Variants in MECOM observed in about 807,000 individuals in gnomAD.
MECOM encodes the protein MDS1 and EVI1 complex locus.
MECOM carries 13 observed loss-of-function variants against 116.3 expected under a neutral mutation model. The observed-to-expected ratio is 0.11, with a 90% CI of 0.07 to 0.18. The LOEUF is 0.18. Ranked by LOEUF, MECOM falls within the 10% of genes least tolerant of loss-of-function variation. The pLI is 1.00. For synonymous variants in MECOM, 528 were observed against 535.2 expected (o/e 0.99, Z 0.19); for missense variants, 1,299 against 1,509.0 (o/e 0.86, Z 2.31).
At position 169,111,046 on chromosome 3, in the gene MECOM, A is replaced by C. The variant is rs188915644; in HGVS notation, c.2577+1741T>G. Among the ~76,000 whole-genome samples the C allele has an allele frequency of 9.6e-4, 147 of 152,348 alleles. 1 individual carries two copies. Among genetic ancestry groups the C allele is most frequent in the African/African-American group, 3.4e-3 (141 of 41,576 alleles). On this transcript the variant is annotated intron_variant, in intron 9 of 16. Coordinates refer to ENST00000651503, the MANE Select transcript of MECOM (RefSeq NM_004991.4). Reference sequence around the variant, plus strand: ...ATTGCTAACAGCTGCGAATTCATACAGAATGAATGGTTGACAAAACTGCCC... The same window carrying C: ...ATTGCTAACAGCTGCGAATTCATACCGAATGAATGGTTGACAAAACTGCCC...
rs1337285990 is a variant in MECOM at position 169,097,232 on chromosome 3, AG to A, written c.2850-1988del. Among the ~76,000 whole-genome samples the A allele has an allele frequency of 3.9e-5, 6 of 152,262 alleles. No individual in the cohort carries two copies. The East Asian group carries it at 1.2e-3, about 29-fold the overall frequency. ...CTTCTAACTTTCTGCTTGCACACAAAGGGTCTTTTCCAAATCTAGTAAGCAC... is the reference window on the plus strand; with the variant it reads ...CTTCTAACTTTCTGCTTGCACACAAAGGTCTTTTCCAAATCTAGTAAGCAC... On this transcript the variant is annotated intron_variant, in intron 12 of 16. Coordinates refer to ENST00000651503, the MANE Select transcript of MECOM (RefSeq NM_004991.4).
chr3:169,482,837 A>G (rs1024668384), intron 1 of MECOM, among the ~76,000 whole-genome samples: 3 of 152,370 alleles, frequency 2.0e-5, no homozygotes, highest in Admixed American at 2.0e-4. Flanking sequence ...CGAAACATTT[A>G]AAATTGATAG....
Position 169,472,509 on chromosome 3 carries a change from AAAGG to A in MECOM, c.38-90989_38-90986del, listed in dbSNP as rs1560317624. Among the ~76,000 whole-genome samples, 306 of 91,876 alleles carry A rather than the reference AAAGG, an allele frequency of 3.3e-3. 22 individuals carry two copies. Among genetic ancestry groups the A allele is most frequent in the African/African-American group, 0.014 (268 of 19,044 alleles). 60.3% of individuals were successfully genotyped at this position (91,876 alleles called of 152,430 possible). A position where few individuals can be genotyped will look rare whatever the true frequency, so the allele number is the denominator to read the frequency against. ...AAAGGAAAGGAAAGGAAAGGAAAGG[AAAGG>A]AAAGGAAAGAAAAGAAAAGAAAAGG... On this transcript the variant is annotated intron_variant, in intron 1 of 16. Transcript: ENST00000651503.
At chr3:169,480,740 C>A (rs1751164627) in intron 1 of MECOM, among the ~76,000 whole-genome samples, 1 of 152,078 alleles carries the variant, frequency 6.6e-6, no homozygotes, top group South Asian at 2.1e-4. Context: ...TGTTTCTGAG[C>A]CACATCCTAG....
At chr3:169,653,341 CAGG>C (rs1257199815) in intron 1 of MECOM, among the ~76,000 whole-genome samples, 1 of 152,106 alleles carries the variant, frequency 6.6e-6, no homozygotes, top group Non-Finnish European at 1.5e-5. Context: ...ATGGGCTCTC[CAGG>C]AGTTTTACAG....
chr3:169,506,760 G>A (rs1347190187), intron 1 of MECOM, among the ~76,000 whole-genome samples: 2 of 152,134 alleles, frequency 1.3e-5, no homozygotes, highest in Non-Finnish European at 2.9e-5. Flanking sequence ...AGGGTGAGGA[G>A]GTAGTCCCTG....
rs1255430097 is a variant in MECOM, at chr3:169,527,636, G to A, written c.37+135700C>T. On this transcript the variant is annotated intron_variant, in intron 1 of 16. Transcript: ENST00000651503. ...AGCCTGCTCCCAAATCTTCATGTTT[G>A]TTTTTTGTTCCTAATATCTTTTCTA... Among the ~76,000 whole-genome samples the A allele has an allele frequency of 3.3e-5, 5 of 152,240 alleles. No individual in the cohort carries two copies. The East Asian group carries it at 5.8e-4, about 18-fold the overall frequency.
chr3:169,120,375 G>C (rs553397043), intron 7 of MECOM, among the ~76,000 whole-genome samples: 3 of 152,174 alleles, frequency 2.0e-5, no homozygotes, highest in Non-Finnish European at 4.4e-5. Flanking sequence ...TCTGTACAGG[G>C]ATGTTCTAAG....
chr3:169,527,044 T>C (rs1161913283), intron 1 of MECOM, among the ~76,000 whole-genome samples: 1 of 152,202 alleles, frequency 6.6e-6, no homozygotes, highest in African/African-American at 2.4e-5. Flanking sequence ...CTGTTAAGAA[T>C]GGAAATCAAA....
At chr3:169,422,437 A>T (rs962659965) in intron 1 of MECOM, among the ~76,000 whole-genome samples, 2 of 152,154 alleles carry the variant, frequency 1.3e-5, no homozygotes, top group Admixed American at 6.6e-5. Context: ...TTCATATAAT[A>T]CAGCAAATTA....
rs1577177681 is a variant in MECOM at position 169,627,927 on chromosome 3, T to C, written c.37+35409A>G. On this transcript the variant is annotated intron_variant, in intron 1 of 16. Coordinates refer to ENST00000651503, the MANE Select transcript of MECOM (RefSeq NM_004991.4). The stretch of plus-strand genomic sequence containing the variant: ...ACCGCAGATTTGAGCAGTGCTGTGG[T>C]CAGATCACAGGTGACGTGGCGGGCC... 2.6e-5 allele frequency among the ~76,000 whole-genome samples: 4 copies of C among 152,314 alleles called. No homozygotes were observed. The South Asian group carries it at 8.3e-4, about 32-fold the overall frequency.
At chr3:169,416,295 A>T (rs1738580722) in intron 1 of MECOM, among the ~76,000 whole-genome samples, 1 of 152,358 alleles carries the variant, frequency 6.6e-6, no homozygotes, top group South Asian at 2.1e-4. Context: ...TAATGAAATT[A>T]AGGCAGAAAT....
intron 2 of MECOM, among the ~76,000 whole-genome samples, chr3:169,314,693 T>C (rs144662164): frequency 6.6e-6 from 1 of 151,240 alleles, no homozygotes; most frequent in East Asian, 2.0e-4. Context: ...GAAGGGGAAC[T>C]AGGGAAGAGT....
chr3:169,356,112 T>C (rs1205092929), intron 2 of MECOM, among the ~76,000 whole-genome samples: 1 of 151,896 alleles, frequency 6.6e-6, no homozygotes, highest in Non-Finnish European at 1.5e-5. Context: ...TGACTCCTAA[T>C]TTAAATGAAG....
intron 2 of MECOM, among the ~76,000 whole-genome samples, chr3:169,265,889 T>C (rs1264308245): frequency 1.3e-5 from 2 of 151,788 alleles, no homozygotes; most frequent in Non-Finnish European, 2.9e-5. Context: ...AGCAGTACTG[T>C]GCTATTAAGC....
At chr3:169,360,220 A>C (rs1055882124) in intron 2 of MECOM, among the ~76,000 whole-genome samples, 12 of 150,770 alleles carry the variant, frequency 8.0e-5, no homozygotes, top group Non-Finnish European at 1.5e-5. Context: ...CTCTGTAAGA[A>C]AAAAGCTCCT....
At chr3:169,219,085 A>G (rs1751774148) in intron 2 of MECOM, among the ~76,000 whole-genome samples, 2 of 152,218 alleles carry the variant, frequency 1.3e-5, no homozygotes, top group South Asian at 4.1e-4. Flanking sequence ...TCATCTCGCT[A>G]TAACAGCAAA....
intron 2 of MECOM, among the ~76,000 whole-genome samples, chr3:169,191,794 G>GAAA (rs1747732513): frequency 4.0e-5 from 6 of 149,606 alleles, no homozygotes; most frequent in Non-Finnish European, 1.5e-5. Flanking sequence ...AAGAAAGAAA[G>GAAA]GGAGGGAAGG....
intron 1 of MECOM, among the ~76,000 whole-genome samples, chr3:169,607,880 C>A (rs541013486): frequency 1.3e-5 from 2 of 152,312 alleles, no homozygotes; most frequent in Admixed American, 6.5e-5. Context: ...TTTATCCCCT[C>A]TTCCTTCCCC....
Sources: gnomAD v4.1 joint callset for allele counts (sites outside exome capture counted in the v4.1 genomes callset) on GRCh38, gnomAD v4.1.1 for gene constraint, MANE v1.5 for transcripts, NCBI Gene and HGNC (gene_info 2026-07-23, HGNC 2026-07-21) for gene names.